Variants in PDE4D observed in about 807,000 individuals in gnomAD.
PDE4D encodes 3',5'-cyclic-AMP phosphodiesterase 4D.
PDE4D carries 24 observed loss-of-function variants against 87.4 expected under a neutral mutation model. The ratio of observed to expected loss-of-function variants is 0.27; its 90% CI spans 0.20 to 0.39. The LOEUF (loss-of-function observed/expected upper bound fraction) is 0.39. Among genes scored for constraint, PDE4D ranks in the 10% least tolerant of loss-of-function variants. The probability of loss-of-function intolerance (pLI) is 1.00; values close to 1 mark genes in which losing one functional copy is unlikely to be tolerated. For synonymous variants in PDE4D, 384 were observed against 383.2 expected, an observed-to-expected ratio of 1.00 and a Z score of -0.02; for missense variants, 714 against 1,041.0, an observed-to-expected ratio of 0.69 and a Z score of 4.32.
At position 60,093,044 on chromosome 5, in the gene PDE4D, AT is replaced by A. The variant is rs149343123; in HGVS notation, c.42+92512del. On this transcript the variant is annotated intron_variant, in intron 2 of 16. Transcript: ENST00000502484. ...TTACAAGTGGTTACATATCTGATAG[AT>A]TGAATGTGTCCCAGAAAAGTTGTGA... is the stretch of plus-strand genomic sequence containing the variant. Among the ~76,000 whole-genome samples the A allele has an allele frequency of 4.4e-3, 676 of 152,338 alleles. 36 individuals are homozygous for A. The East Asian group carries it at 0.11, about 26-fold the overall frequency.
At chr5:59,924,564 GAA>G (rs35983103) in intron 3 of PDE4D, among the ~76,000 whole-genome samples, 122 of 134,344 alleles carry the variant, frequency 9.1e-4, no homozygotes, top group South Asian at 4.7e-3. Flanking sequence ...ACAAAGTGTG[GAA>G]AAAAAAAAAA....
At chr5:60,250,842 GA>G (rs1748349805) in intron 1 of PDE4D, among the ~76,000 whole-genome samples, 1 of 151,922 alleles carries the variant, frequency 6.6e-6, no homozygotes, top group South Asian at 2.1e-4. Context: ...GGCATATCAA[GA>G]GGTATTCCAT....
chr5:59,482,537 C>G (rs1804450779), intron 1 of PDE4D, among the ~76,000 whole-genome samples: 1 of 152,010 alleles, frequency 6.6e-6, no homozygotes, highest in Non-Finnish European at 1.5e-5. Context: ...CAAGATTTTT[C>G]ATAAAAAATA....
At chr5:58,980,932 A>C (rs1410509100) in intron 11 of PDE4D, among the ~76,000 whole-genome samples, 2 of 152,176 alleles carry the variant, frequency 1.3e-5, no homozygotes, top group African/African-American at 4.8e-5. Flanking sequence ...AGGCCAGAGA[A>C]TCAACCAGGA....
chr5:59,738,137 T>A (rs1196832840), intron 1 of PDE4D, among the ~76,000 whole-genome samples: 3 of 152,152 alleles, frequency 2.0e-5, no homozygotes, highest in African/African-American at 7.2e-5. Flanking sequence ...TGTGGGACAA[T>A]TATTATTTAA....
intron 1 of PDE4D, among the ~76,000 whole-genome samples, chr5:59,363,218 G>A (rs1782505990): frequency 6.6e-6 from 1 of 152,212 alleles, no homozygotes; most frequent in Non-Finnish European, 1.5e-5. Context: ...TGAGAGGACT[G>A]AATAGGGTAA....
At chr5:59,322,475 C>A (rs1045394014) in intron 1 of PDE4D, among the ~76,000 whole-genome samples, 1 of 152,084 alleles carries the variant, frequency 6.6e-6, no homozygotes, top group Non-Finnish European at 1.5e-5. Context: ...AAGGAGGTCA[C>A]ACAAATGGAG....
intron 5 of PDE4D, among the ~76,000 whole-genome samples, chr5:59,112,742 T>C (rs1488026154): frequency 6.6e-6 from 1 of 151,630 alleles, no homozygotes; most frequent in Non-Finnish European, 1.5e-5. Flanking sequence ...CCTCCCTCCC[T>C]TCCTTCCTCT....
At chr5:59,616,112 CT>C (rs1561331553) in intron 1 of PDE4D, among the ~76,000 whole-genome samples, 1 of 151,864 alleles carries the variant, frequency 6.6e-6, no homozygotes, top group African/African-American at 2.4e-5. Context: ...AATGCTATCC[CT>C]CCCCCCTTCC....
chr5:59,122,193 A>G (rs1358863621), intron 5 of PDE4D, among the ~76,000 whole-genome samples: 1 of 151,780 alleles, frequency 6.6e-6, no homozygotes, highest in Non-Finnish European at 1.5e-5. Context: ...GAAAGAAAGA[A>G]AACATGGTAT....
chr5:60,176,887 G>C (rs16877705), intron 2 of PDE4D, among the ~76,000 whole-genome samples: 1 of 152,034 alleles, frequency 6.6e-6, no homozygotes, highest in Admixed American at 6.6e-5. Flanking sequence ...GGAATAAGGC[G>C]TTTCTCCTGG....
At chr5:59,971,022 T>C (rs10058345) in intron 3 of PDE4D, among the ~76,000 whole-genome samples, 20 of 152,042 alleles carry the variant, frequency 1.3e-4, no homozygotes, top group African/African-American at 4.3e-4. Flanking sequence ...GAATACTATG[T>C]GGCCATAAAA....
chr5:59,507,485 G>A (rs1809468160), intron 1 of PDE4D, among the ~76,000 whole-genome samples: 1 of 151,532 alleles, frequency 6.6e-6, no homozygotes, highest in Non-Finnish European at 1.5e-5. Flanking sequence ...AACAAAGCGA[G>A]ACCCAGTCTA....
chr5:59,015,107 T>C (rs575806982), intron 6 of PDE4D, among the ~76,000 whole-genome samples: 131 of 152,310 alleles, frequency 8.6e-4, no homozygotes, highest in African/African-American at 2.6e-3. Flanking sequence ...CCTTACACTT[T>C]ATACAAAAAT....
At chr5:59,921,577 G>C (rs1754675159) in intron 3 of PDE4D, among the ~76,000 whole-genome samples, 1 of 152,170 alleles carries the variant, frequency 6.6e-6, no homozygotes, top group Non-Finnish European at 1.5e-5. Context: ...CTCTTGGGTA[G>C]ATTAATTGCT....
rs72766001 is a variant in PDE4D, at chr5:59,294,158, C to T, written c.456-78190G>A. Among the ~76,000 whole-genome samples the T allele has an allele frequency of 7.6e-3, 1,157 of 152,144 alleles. 4 individuals carry two copies. The highest frequency in any genetic ancestry group is 0.012 in the Non-Finnish European group (848 of 68,004). On this transcript the variant is annotated intron_variant, in intron 1 of 14. Transcript: ENST00000340635. Reference sequence around the variant, plus strand: ...AATGTTGACCAGTGATCATAGTATGCGGACAGACCTACTTAGAAACTGTTT... The same window carrying T: ...AATGTTGACCAGTGATCATAGTATGTGGACAGACCTACTTAGAAACTGTTT...
intron 1 of PDE4D, among the ~76,000 whole-genome samples, chr5:59,571,665 C>A (rs773091379): frequency 6.6e-6 from 1 of 151,980 alleles, no homozygotes; most frequent in Non-Finnish European, 1.5e-5. Flanking sequence ...ACTCTTAGTG[C>A]CAATATAAAA....
At chr5:59,180,687 T>G in intron 4 of PDE4D, 43 bp from the exon 5 acceptor site, 1 of 1,556,622 alleles carries the variant, frequency 6.4e-7, no homozygotes. Context: ...TATGTGGGGC[T>G]TATTGATTTG....
At chr5:60,315,234 T>C (rs183930604) in intron 1 of PDE4D, among the ~76,000 whole-genome samples, 91 of 152,310 alleles carry the variant, frequency 6.0e-4, no homozygotes, top group African/African-American at 1.9e-3. Context: ...CTCTGATGGC[T>C]AGTGATGATG....
Sources: gnomAD v4.1 joint callset for allele counts (sites outside exome capture counted in the v4.1 genomes callset) on GRCh38, gnomAD v4.1.1 for gene constraint, MANE v1.5 for transcripts, NCBI Gene and HGNC (gene_info 2026-07-23, HGNC 2026-07-21) for gene names.